CCSER2: variants seen among roughly 807,000 people sequenced by gnomAD.
CCSER2 encodes coiled-coil serine rich protein 2.
Under a neutral mutation model 92.3 loss-of-function variants are expected in CCSER2, and 46 were observed. The observed-to-expected ratio is 0.50, with a 90% CI of 0.39 to 0.64. The LOEUF is 0.64. Among genes scored for constraint, CCSER2 ranks in the 30% least tolerant of loss-of-function variants. The pLI, the probability that CCSER2 is intolerant of heterozygous loss-of-function variation, is 0.00. For synonymous variants in CCSER2, 433 were observed against 431.4 expected, an observed-to-expected ratio of 1.00 and a Z score of -0.04; for missense variants, 1,244 against 1,238.9, an observed-to-expected ratio of 1.00 and a Z score of -0.06.
intron 6 of CCSER2, chr10:84,455,253 CTTTCTTTT>C (rs1344960941): frequency 5.6e-6 from 1 of 180,092 alleles, no homozygotes; most frequent in Non-Finnish European, 1.2e-5. Context: ...TTTCCACTTT[CTTTCTTTT>C]TTTCTTTTTC....
At chr10:84,381,641 C>T (rs749255352) in intron 3 of CCSER2, among the ~76,000 whole-genome samples, 4 of 152,016 alleles carry the variant, frequency 2.6e-5, no homozygotes, top group East Asian at 1.9e-4. Flanking sequence ...AGAACATCCA[C>T]GGTGGGCCGG....
At chr10:84,363,816 C>T (rs991480505) in intron 1 of CCSER2, among the ~76,000 whole-genome samples, 12 of 152,290 alleles carry the variant, frequency 7.9e-5, no homozygotes, top group Non-Finnish European at 1.5e-4. Context: ...CAGGCAGCAT[C>T]GCTTAACGAA....
intron 3 of CCSER2, among the ~76,000 whole-genome samples, chr10:84,374,454 C>T (rs912907625): frequency 2.6e-5 from 4 of 152,142 alleles, no homozygotes; most frequent in African/African-American, 9.7e-5. Context: ...GAGGTCCCTT[C>T]TTTTCACTAT....
chr10:84,487,134 T>G (rs1353446721), intron 9 of CCSER2, among the ~76,000 whole-genome samples: 1 of 152,222 alleles, frequency 6.6e-6, no homozygotes, highest in Non-Finnish European at 1.5e-5. Context: ...CCATGCTGTT[T>G]TGGTTACTGT....
chr10:84,435,757 G>A (rs868446), intron 5 of CCSER2, among the ~76,000 whole-genome samples: 3,433 of 152,056 alleles, frequency 0.023, 53 homozygotes, highest in Non-Finnish European at 0.038. Flanking sequence ...AATTTGGCCT[G>A]AATTGCAAAC....
At chr10:84,396,447 C>T (rs181998162) in intron 3 of CCSER2, among the ~76,000 whole-genome samples, 121 of 151,476 alleles carry the variant, frequency 8.0e-4, no homozygotes, top group African/African-American at 2.8e-3. Flanking sequence ...AGTTTACTTA[C>T]GTTAGTTGTT....
At chr10:84,396,719 T>C (rs911184624) in intron 3 of CCSER2, among the ~76,000 whole-genome samples, 13 of 152,158 alleles carry the variant, frequency 8.5e-5, no homozygotes, top group African/African-American at 2.9e-4. Context: ...GTATTTTTGG[T>C]AGAGATGGGG....
chr10:84,385,558 A>G (rs1277814494), intron 3 of CCSER2, among the ~76,000 whole-genome samples: 1 of 152,204 alleles, frequency 6.6e-6, no homozygotes, highest in Non-Finnish European at 1.5e-5. Context: ...AGCCATGTGA[A>G]GAAGAATGAA....
At chr10:84,387,286 A>G (rs2133240302) in intron 3 of CCSER2, among the ~76,000 whole-genome samples, 2 of 152,250 alleles carry the variant, frequency 1.3e-5, no homozygotes, top group Middle Eastern at 3.4e-3. Context: ...GGCACTTTAA[A>G]TCACACCCTG....
At chr10:84,436,196 GTTA>G (rs1325187497) in intron 5 of CCSER2, among the ~76,000 whole-genome samples, 6 of 151,248 alleles carry the variant, frequency 4.0e-5, no homozygotes, top group Non-Finnish European at 8.8e-5. Flanking sequence ...GTGTGGTGGC[GTTA>G]CTTGTAGTCC....
At chr10:84,439,965 C>G (rs1451420289) in intron 6 of CCSER2, among the ~76,000 whole-genome samples, 1 of 152,020 alleles carries the variant, frequency 6.6e-6, no homozygotes, top group Non-Finnish European at 1.5e-5. Context: ...TAAAATATGT[C>G]AAATATCCAC....
intron 1 of CCSER2, among the ~76,000 whole-genome samples, chr10:84,363,403 T>TA (rs1010576423): frequency 2.0e-5 from 3 of 151,786 alleles, no homozygotes; most frequent in Non-Finnish European, 4.4e-5. Flanking sequence ...AACACAAGGT[T>TA]AAAAAAAATT....
At chr10:84,386,155 A>G (rs1841193593) in intron 3 of CCSER2, among the ~76,000 whole-genome samples, 1 of 152,236 alleles carries the variant, frequency 6.6e-6, no homozygotes, top group South Asian at 2.1e-4. Flanking sequence ...GAAAATTAGT[A>G]CAACCTCTGT....
At chr10:84,380,155 G>A (rs759824453) in intron 3 of CCSER2, among the ~76,000 whole-genome samples, 11 of 152,174 alleles carry the variant, frequency 7.2e-5, no homozygotes, top group Non-Finnish European at 1.6e-4. Context: ...AACCCCATAT[G>A]TCGTCATCTG....
intron 1 of CCSER2, among the ~76,000 whole-genome samples, chr10:84,349,478 G>A (rs1844743996): frequency 6.6e-6 from 1 of 151,802 alleles, no homozygotes; most frequent in Admixed American, 6.6e-5. Flanking sequence ...ACCAGCCTGG[G>A]CAACATACTG....
chr10:84,411,151 GT>G (rs1325014614), intron 3 of CCSER2, among the ~76,000 whole-genome samples: 2 of 152,132 alleles, frequency 1.3e-5, no homozygotes, highest in Non-Finnish European at 2.9e-5. Context: ...GTACTGTGCT[GT>G]TTTGGTTACT....
chr10:84,331,166 T>G (rs986903967), intron 1 of CCSER2, among the ~76,000 whole-genome samples: 4 of 152,352 alleles, frequency 2.6e-5, no homozygotes, highest in Non-Finnish European at 2.9e-5. Flanking sequence ...TGTTTGAGAT[T>G]GCTTAGGCTC....
At chr10:84,369,911 T>A (rs1199163607) in intron 1 of CCSER2, among the ~76,000 whole-genome samples, 1 of 152,174 alleles carries the variant, frequency 6.6e-6, no homozygotes. Context: ...TAAGGCGTTC[T>A]TTTCCCAATT....
chr10:84,340,340 C>T (rs1485113611), intron 1 of CCSER2, among the ~76,000 whole-genome samples: 1 of 152,020 alleles, frequency 6.6e-6, no homozygotes, highest in African/African-American at 2.4e-5. Context: ...CTCTCTTGCC[C>T]CCACTTATAG....
Sources: gnomAD v4.1 joint callset for allele counts (sites outside exome capture counted in the v4.1 genomes callset) on GRCh38, gnomAD v4.1.1 for gene constraint, MANE v1.5 for transcripts, NCBI Gene and HGNC (gene_info 2026-07-23, HGNC 2026-07-21) for gene names.